ADAM22: variants seen among roughly 807,000 people sequenced by gnomAD.
The protein encoded by ADAM22 is ADAM metallopeptidase domain 22.
ADAM22 carries 65 observed loss-of-function variants against 144.6 expected under a neutral mutation model. The observed-to-expected ratio is 0.45, with a 90% CI of 0.37 to 0.55. ADAM22 has a LOEUF of 0.55. Among genes scored for constraint, ADAM22 ranks in the 20% least tolerant of loss-of-function variants. ADAM22 has a pLI of 0.00. For synonymous variants in ADAM22, 391 were observed against 412.6 expected (o/e 0.95, Z 0.63); for missense variants, 974 against 1,184.9 (o/e 0.82, Z 2.61).
intron 3 of ADAM22, among the ~76,000 whole-genome samples, chr7:88,017,973 C>T (rs1020288311): frequency 2.0e-5 from 3 of 152,068 alleles, no homozygotes; most frequent in Non-Finnish European, 4.4e-5. Context: ...ACATTCTTCT[C>T]GACTCCCCAA....
At chr7:88,093,078 G>T (rs1429434867) in intron 4 of ADAM22, among the ~76,000 whole-genome samples, 1 of 152,056 alleles carries the variant, frequency 6.6e-6, no homozygotes, top group Non-Finnish European at 1.5e-5. Context: ...ACTAACTGAT[G>T]ATATTTCCAT....
intron 3 of ADAM22, among the ~76,000 whole-genome samples, chr7:88,023,753 CTGTTGTGCTATCAAATA>C (rs1798352840): frequency 6.6e-6 from 1 of 152,072 alleles, no homozygotes; most frequent in Admixed American, 6.6e-5. Context: ...TATAGTAACC[CTGTTGTGCTATCAAATA>C]TTAGATTTTA....
chr7:88,158,133 A>G (rs1046679341), intron 22 of ADAM22, among the ~76,000 whole-genome samples: 1 of 152,212 alleles, frequency 6.6e-6, no homozygotes, highest in African/African-American at 2.4e-5. Flanking sequence ...CTTTAAGCCA[A>G]CAAAGATACA....
At chr7:88,050,632 C>A (rs955711229) in intron 3 of ADAM22, among the ~76,000 whole-genome samples, 32 of 151,982 alleles carry the variant, frequency 2.1e-4, no homozygotes, top group African/African-American at 7.7e-4. Flanking sequence ...TTTTTTCATG[C>A]GTCTGTTGGC....
chr7:88,079,011 G>C (rs894257948), intron 4 of ADAM22, among the ~76,000 whole-genome samples: 11 of 152,214 alleles, frequency 7.2e-5, no homozygotes, highest in Non-Finnish European at 1.2e-4. Context: ...CAAAGATACT[G>C]CTCGAGAAGA....
chr7:87,975,794 C>T (rs183463204), intron 2 of ADAM22, among the ~76,000 whole-genome samples: 80 of 152,250 alleles, frequency 5.3e-4, no homozygotes, highest in African/African-American at 1.8e-3. Context: ...ATTAATATTT[C>T]TGATTCAAAG....
intron 30 of ADAM22, among the ~76,000 whole-genome samples, chr7:88,191,410 A>C (rs1359858167): frequency 6.6e-6 from 1 of 152,220 alleles, no homozygotes; most frequent in Non-Finnish European, 1.5e-5. Context: ...AAAGTAAACA[A>C]GATTTAATTA....
At position 87,952,460 on chromosome 7, in the gene ADAM22, A is replaced by G. The variant is rs547144181; in HGVS notation, c.246+17274A>G. On this transcript the variant is annotated intron_variant, in intron 2 of 31. Transcript: ENST00000413139. ...GGATTGTATTTATTGATTTGCATAT[A>G]TTGAACCAGCCTTGCATCCCAGGGA... Among the ~76,000 whole-genome samples the G allele has an allele frequency of 2.9e-3, 437 of 152,172 alleles. 1 individual carries two copies. Among genetic ancestry groups the G allele is most frequent in the African/African-American group, 9.9e-3 (409 of 41,506 alleles).
intron 3 of ADAM22, among the ~76,000 whole-genome samples, chr7:88,013,204 G>C (rs781144230): frequency 1.3e-5 from 2 of 152,096 alleles, no homozygotes; most frequent in Non-Finnish European, 2.9e-5. Flanking sequence ...ACTGATCTTA[G>C]CTATTATTCT....
intron 2 of ADAM22, among the ~76,000 whole-genome samples, chr7:87,945,213 A>C (rs903109790): frequency 3.9e-5 from 6 of 152,200 alleles, no homozygotes; most frequent in African/African-American, 1.4e-4. Flanking sequence ...TCTTATTTTG[A>C]ATAGCATGTG....
intron 26 of ADAM22, among the ~76,000 whole-genome samples, chr7:88,176,119 C>T (rs1402469379): frequency 3.9e-5 from 6 of 152,080 alleles, no homozygotes; most frequent in South Asian, 4.2e-4. Context: ...ATTACAAGTG[C>T]GTGCCACCAC....
At chr7:88,148,082 G>A (rs1325277384) in intron 17 of ADAM22, among the ~76,000 whole-genome samples, 1 of 152,118 alleles carries the variant, frequency 6.6e-6, no homozygotes, top group Non-Finnish European at 1.5e-5. Context: ...TTTATAGTGG[G>A]CAGTGCATGT....
At chr7:88,082,428 C>G (rs1425952943) in intron 4 of ADAM22, among the ~76,000 whole-genome samples, 1 of 152,032 alleles carries the variant, frequency 6.6e-6, no homozygotes, top group Non-Finnish European at 1.5e-5. Context: ...TAGGCATGGG[C>G]AAGGACTTCA....
chr7:88,044,391 A>G (rs1321982029), intron 3 of ADAM22, among the ~76,000 whole-genome samples: 3 of 152,138 alleles, frequency 2.0e-5, no homozygotes, highest in Non-Finnish European at 4.4e-5. Flanking sequence ...GTATACGTGG[A>G]ATTTTCAACT....
intron 7 of ADAM22, among the ~76,000 whole-genome samples, chr7:88,124,898 T>C (rs990852691): frequency 6.6e-5 from 10 of 152,016 alleles, no homozygotes; most frequent in Non-Finnish European, 1.2e-4. Context: ...TTTTATAGTA[T>C]TATTTGTATA....
At chr7:88,158,371 A>G (rs879926962) in intron 22 of ADAM22, among the ~76,000 whole-genome samples, 1 of 152,164 alleles carries the variant, frequency 6.6e-6, no homozygotes, top group Admixed American at 6.6e-5. Flanking sequence ...AAAGATATTC[A>G]GGACCTGAAG....
At chr7:88,134,448 G>T in intron 13 of ADAM22, 29 bp downstream of exon 13, 1 of 1,508,318 alleles carries the variant, frequency 6.6e-7, no homozygotes, top group Non-Finnish European at 9.1e-7. Flanking sequence ...GTGGTTAGTT[G>T]TATTTAAAAT....
At chr7:88,117,108 CTCTT>C (rs1357828680) in intron 7 of ADAM22, among the ~76,000 whole-genome samples, 1 of 152,214 alleles carries the variant, frequency 6.6e-6, no homozygotes, top group Non-Finnish European at 1.5e-5. Flanking sequence ...TACAAATTCA[CTCTT>C]TGTGAAATAC....
intron 2 of ADAM22, among the ~76,000 whole-genome samples, chr7:87,971,272 TATTATAATATTTATTC>T (rs1362671984): frequency 6.6e-6 from 1 of 152,184 alleles, no homozygotes; most frequent in East Asian, 1.9e-4. Context: ...AAATAACTTC[TATTATAATATTTATTC>T]ATTAGAACCC....
Sources: allele counts gnomAD v4.1 joint callset (sites outside exome capture counted in the v4.1 genomes callset), GRCh38; gene constraint gnomAD v4.1.1; transcripts MANE v1.5; gene names NCBI Gene and HGNC (gene_info 2026-07-23, HGNC 2026-07-21).